The following IQSEC3 variants were observed in gnomAD, a reference collection of about 807,000 sequenced individuals.
The protein encoded by IQSEC3 is IQ motif and SEC7 domain-containing protein 3.
Under a neutral mutation model 105.4 loss-of-function variants are expected in IQSEC3, and 50 were observed. The ratio of observed to expected loss-of-function variants is 0.47; its 90% confidence interval spans 0.38 to 0.60. The LOEUF is 0.60. Ranked by LOEUF, IQSEC3 falls within the 20% of genes least tolerant of loss-of-function variation. The pLI is 0.00. For synonymous variants in IQSEC3, 708 were observed against 746.0 expected (o/e 0.95, Z 0.83); for missense variants, 1,415 against 1,630.0 (o/e 0.87, Z 2.27).
intron 13 of IQSEC3, 72 bp downstream of exon 13, chr12:171,233 G>GTT: frequency 1.9e-6 from 3 of 1,613,944 alleles, no homozygotes; most frequent in Non-Finnish European, 2.5e-6. Flanking sequence ...CGTCTCTGTT[G>GTT]TTTCTCTTCT....
Position 84,151 on chromosome 12 carries a change from T to C in IQSEC3, c.555-14995T>C, listed in dbSNP as rs116729883. On this transcript the variant is annotated intron_variant, in intron 1 of 13. Transcript: ENST00000538872. ...AAGCCTAATCTGGGACAGAGACCAT[T>C]GTTCAGGAACAGAAAGGCTGGTGGC... is the stretch of plus-strand genomic sequence containing the variant. Among the ~76,000 whole-genome samples the C allele has an allele frequency of 1.0e-2, 1,519 of 152,340 alleles. 36 individuals carry two copies. Among genetic ancestry groups the C allele is most frequent in the African/African-American group, 0.034 (1,397 of 41,584 alleles).
At chr12:146,767 G>A (rs1866294052) in intron 5 of IQSEC3, among the ~76,000 whole-genome samples, 1 of 152,168 alleles carries the variant, frequency 6.6e-6, no homozygotes, top group South Asian at 2.1e-4. Flanking sequence ...GAGACCCAGT[G>A]CAGGCAGGCA....
At position 125,964 on chromosome 12, in the gene IQSEC3, TG is replaced by T. The variant is rs1157936429; in HGVS notation, c.903+57del. The T allele has an allele frequency of 2.5e-4, 380 of 1,499,978 alleles. No homozygotes were observed. The African/African-American group carries it at 4.3e-3, about 17-fold the overall frequency. The allele number at this position is 1,499,978 out of a possible 1,614,324, so 92.9% of individuals were successfully genotyped here. On this transcript the variant is annotated intron_variant, in intron 3 of 13. Coordinates refer to ENST00000538872, the MANE Select transcript of IQSEC3 (RefSeq NM_001170738.2). Reference sequence around the variant, plus strand: ...GGAGGGTGGTGAAGGGGCCCTGCTTTGGGGGCTGTCGAGGGTACCAGGGATA... The same window carrying T: ...GGAGGGTGGTGAAGGGGCCCTGCTTTGGGGCTGTCGAGGGTACCAGGGATA...
At position 165,925 on chromosome 12, in the gene IQSEC3, G is replaced by A. The variant is rs782277756; in HGVS notation, c.2971+35G>A. Reference sequence around the variant, plus strand: ...CGGGCTCCCGAGGCAGCTGGTGGGGGTTCCCATTCAGCAAGGGACAGGGGC... The same window carrying A: ...CGGGCTCCCGAGGCAGCTGGTGGGGATTCCCATTCAGCAAGGGACAGGGGC... On this transcript the variant is annotated intron_variant, in intron 11 of 13. Coordinates refer to ENST00000538872, the MANE Select transcript of IQSEC3 (RefSeq NM_001170738.2). 5.6e-6 allele frequency: 9 copies of A among 1,603,768 alleles called. No individual in the cohort carries two copies. The South Asian group carries it at 1.0e-4, about 18-fold the overall frequency.
intron 5 of IQSEC3, among the ~76,000 whole-genome samples, chr12:155,891 G>A (rs1242690789): frequency 4.6e-5 from 7 of 152,096 alleles, no homozygotes; most frequent in South Asian, 4.1e-4. Context: ...GTGGGCAAAC[G>A]TCAGCTCCAA....
At chr12:124,585 C>T (rs973479137) in intron 2 of IQSEC3, among the ~76,000 whole-genome samples, 4 of 152,140 alleles carry the variant, frequency 2.6e-5, no homozygotes, top group South Asian at 4.1e-4. Flanking sequence ...GCCACACAGT[C>T]GTAGAGCTTG....
chr12:165,807 G>C lies in IQSEC3; in HGVS notation c.2888G>C (p.Gly963Ala). 1.2e-6 allele frequency: 2 copies of C among 1,614,074 alleles called. No individual in the cohort carries two copies. Among genetic ancestry groups the C allele is most frequent in the Non-Finnish European group, 1.7e-6 (2 of 1,180,040 alleles). ...KKQVLHFCAL[G>A]SDEMQKFVED... ...CAGGTGCTGCATTTCTGTGCCCTGGGCTCGGACGAGATGCAGAAGTTCGTG... is the reference window on the plus strand; with the variant it reads ...CAGGTGCTGCATTTCTGTGCCCTGGCCTCGGACGAGATGCAGAAGTTCGTG... Residue 963 changes from glycine to alanine, a missense_variant, in exon 11 of 14, where the codon GGC becomes GCC. By Grantham distance (60) the Gly-to-Ala change is moderately conservative. Coordinates refer to ENST00000538872, the MANE Select transcript of IQSEC3 (RefSeq NM_001170738.2).
In IQSEC3 at chr12:93,223, C is replaced by G. The variant is rs549863383; in HGVS notation, c.555-5923C>G. 2.6e-5 allele frequency among the ~76,000 whole-genome samples: 4 copies of G among 152,296 alleles called. No individual in the cohort carries two copies. In the South Asian group the frequency reaches 8.3e-4, roughly 32 times the overall value. On this transcript the variant is annotated intron_variant, in intron 1 of 13. Coordinates refer to ENST00000538872, the MANE Select transcript of IQSEC3 (RefSeq NM_001170738.2). ...CTGGTGCACCTGGCATGGACCCCCCCAAAGCTTCACTGGGGTTTGAGGGTG... is the reference window on the plus strand; with the variant it reads ...CTGGTGCACCTGGCATGGACCCCCCGAAAGCTTCACTGGGGTTTGAGGGTG...
intron 2 of IQSEC3, among the ~76,000 whole-genome samples, chr12:119,634 A>G (rs1417018862): frequency 6.6e-6 from 1 of 152,182 alleles, no homozygotes; most frequent in Non-Finnish European, 1.5e-5. Flanking sequence ...ATCAACACCC[A>G]TGGAAGGGAG....
At position 163,593 on chromosome 12, in the gene IQSEC3, G is replaced by A; in HGVS notation, c.2683G>A (p.Val895Met). The change falls in exon 9 of 14, where the codon GTG becomes ATG. Residue 895 changes from valine to methionine, a missense_variant. Transcript: ENST00000538872. ...LQKQAAHQRE[V>M]FLFNDLLVIL... ...GAAGCAGGCAGCGCATCAGAGGGAGGTGTTCCTCTTCAATGACCTGCTGGT... is the reference window on the plus strand; with the variant it reads ...GAAGCAGGCAGCGCATCAGAGGGAGATGTTCCTCTTCAATGACCTGCTGGT... The A allele has an allele frequency of 2.6e-6, 4 of 1,563,960 alleles. No individual in the cohort carries two copies. Among genetic ancestry groups the A allele is most frequent in the Non-Finnish European group, 3.5e-6 (4 of 1,135,140 alleles).
rs782667838 is a variant in IQSEC3 at position 141,244 on chromosome 12, C to T, written c.2112C>T (p.Phe704=). Reference sequence around the variant, plus strand: ...TCAGCCGCCAGATGATTGGAGAGTTCCTGGGCAACAGCAAGAAGCAGTTCA... The same window carrying T: ...TCAGCCGCCAGATGATTGGAGAGTTTCTGGGCAACAGCAAGAAGCAGTTCA... The part of the protein sequence containing the change: ...KGLSRQMIGE[F]LGNSKKQFNR... Residue 704 remains phenylalanine (F), a synonymous_variant, in exon 5 of 14, where the codon TTC becomes TTT. Transcript: ENST00000538872. 1.2e-6 allele frequency: 2 copies of T among 1,614,068 alleles called. No homozygotes were observed. Among genetic ancestry groups the T allele is most frequent in the Admixed American group, 3.3e-5 (2 of 60,012 alleles).
Position 174,743 on chromosome 12 carries a change from C to T in IQSEC3, c.3259C>T (p.Pro1087Ser). 1 of 1,592,710 alleles carries T rather than the reference C, an allele frequency of 6.3e-7. No individual in the cohort carries two copies. The highest frequency in any genetic ancestry group is 1.1e-5 in the South Asian group (1 of 89,296). Residue 1087 changes from proline (P) to serine (S), a missense_variant, in exon 14 of 14, where the codon CCG becomes TCG. By Grantham distance (74) the Pro-to-Ser change is moderately conservative. This residue lies in a region of IQSEC3 where 419 missense variants were observed against 436.2 expected (regional missense o/e 0.96). Transcript: ENST00000538872. ...PPLPPPPPTP[P>S]GTLVQCQQIV... Reference sequence around the variant, plus strand: ...ACTGCCGCCGCCGCCACCCACGCCCCCGGGCACCCTGGTGCAGTGCCAGCA... The same window carrying T: ...ACTGCCGCCGCCGCCACCCACGCCCTCGGGCACCCTGGTGCAGTGCCAGCA...
intron 1 of IQSEC3, among the ~76,000 whole-genome samples, chr12:80,169 CCT>C (rs1177933229): frequency 6.6e-6 from 1 of 152,158 alleles, no homozygotes; most frequent in East Asian, 1.9e-4. Flanking sequence ...TTTGAACTTG[CCT>C]CTCTGGCTGA....
rs1866917389 is a variant in IQSEC3 at position 162,065 on chromosome 12, A to G, written c.2583A>G (p.Thr861=). 5.0e-6 allele frequency: 8 copies of G among 1,613,670 alleles called. No homozygotes were observed. The highest frequency in any genetic ancestry group is 5.9e-6 in the Non-Finnish European group (7 of 1,179,954). The change falls in exon 8 of 14, where the codon ACA becomes ACG. Residue 861 remains threonine, a splice_region_variant and synonymous_variant. Coordinates refer to ENST00000538872, the MANE Select transcript of IQSEC3 (RefSeq NM_001170738.2). ...KVEKSIVGMK[T]VLSVPHRRLV... is the part of the protein sequence containing the mutation. ...AGAAGTCCATTGTGGGCATGAAGAC[A>G]GTGAGTGTCCACAAGCTACCTATCT...
intron 5 of IQSEC3, among the ~76,000 whole-genome samples, chr12:151,829 A>T (rs1866521629): frequency 6.6e-6 from 1 of 151,922 alleles, no homozygotes; most frequent in African/African-American, 2.4e-5. Flanking sequence ...TTCCTCCCTT[A>T]GCCCACCTGA....
chr12:174,739 G>A lies in IQSEC3; in HGVS notation c.3255G>A (p.Thr1085=), dbSNP rs368982545. The A allele has an allele frequency of 2.5e-5, 40 of 1,588,810 alleles. No individual in the cohort carries two copies. Among genetic ancestry groups the A allele is most frequent in the Middle Eastern group, 3.3e-4 (2 of 6,022 alleles). ...QTPPLPPPPP[T]PPGTLVQCQQ... is the part of the protein sequence containing the mutation. ...CACCACTGCCGCCGCCGCCACCCAC[G>A]CCCCCGGGCACCCTGGTGCAGTGCC... The change falls in exon 14 of 14, where the codon ACG becomes ACA. Residue 1085 remains threonine (T), a synonymous_variant. Coordinates refer to ENST00000538872, the MANE Select transcript of IQSEC3 (RefSeq NM_001170738.2).
intron 5 of IQSEC3, among the ~76,000 whole-genome samples, chr12:155,661 T>C (rs184511536): frequency 2.0e-5 from 3 of 152,154 alleles, no homozygotes; most frequent in Admixed American, 2.0e-4. Flanking sequence ...TGGGCACGAA[T>C]GGAAGCTGAG....
At position 163,477 on chromosome 12, in the gene IQSEC3, G is replaced by A. The variant is rs558293745; in HGVS notation, c.2584-17G>A. The stretch of plus-strand genomic sequence containing the variant: ...AGGCCTCTGGTCTCTCCCGCTGAGC[G>A]CCCTGCCCGCGTGCAGGTGCTGTCC... On this transcript the variant is annotated splice_polypyrimidine_tract_variant and intron_variant, in intron 8 of 13. Coordinates refer to ENST00000538872, the MANE Select transcript of IQSEC3 (RefSeq NM_001170738.2). 26 of 1,592,118 alleles carry A rather than the reference G, an allele frequency of 1.6e-5. No individual in the cohort carries two copies. The highest frequency in any genetic ancestry group is 1.6e-4 in the South Asian group (14 of 89,754).
chr12:119,445 G>C (rs1252059551), intron 2 of IQSEC3, among the ~76,000 whole-genome samples: 4 of 152,196 alleles, frequency 2.6e-5, no homozygotes, highest in Non-Finnish European at 5.9e-5. Flanking sequence ...TGAGCCCTTA[G>C]CAAAGGTATC....
Sources: allele counts gnomAD v4.1 joint callset (sites outside exome capture counted in the v4.1 genomes callset), GRCh38; gene constraint gnomAD v4.1.1; regional missense constraint gnomAD v4.1.1; transcripts MANE v1.5; gene names NCBI Gene and HGNC (gene_info 2026-07-23, HGNC 2026-07-21).